Variants in MMP13 observed in about 807,000 individuals in gnomAD.
MMP13 encodes collagenase 3.
A neutral mutation model predicts 52.1 loss-of-function variants in MMP13; 45 were observed. The ratio of observed to expected loss-of-function variants is 0.86; its 90% CI spans 0.68 to 1.11. MMP13 has a LOEUF of 1.11. MMP13 is among the 50% of genes least tolerant of loss of function. The pLI, the probability that MMP13 is intolerant of heterozygous loss-of-function variation, is 0.00. For missense variants in MMP13, 576 were observed against 583.8 expected, an observed-to-expected ratio of 0.99 and a Z score of 0.14; for synonymous variants, 200 against 204.4, an observed-to-expected ratio of 0.98 and a Z score of 0.18.
At chr11:102,944,490 C>T (rs1860464549) in intron 9 of MMP13, 124 bp from the exon 10 acceptor site, 1 of 677,844 alleles carries the variant, frequency 1.5e-6, no homozygotes, top group South Asian at 1.6e-5. Context: ...TCTTTTTAAA[C>T]TCTATTAGTT....
chr11:102,950,274 G>A, intron 5 of MMP13, 47 bp from the exon 6 acceptor site: 1 of 1,391,132 alleles, frequency 7.2e-7, no homozygotes, highest in Non-Finnish European at 1.0e-6. Context: ...TGACATTACT[G>A]ATAACCTGAG....
chr11:102,952,246 A>T lies in MMP13; in HGVS notation c.638-73T>A. ...CAGGTAATGAAAGGAATATCATTTT[A>T]TCTATCTGGTATGTTTCTTTCTTGG... is the stretch of plus-strand genomic sequence containing the variant. On this transcript the variant is annotated intron_variant, in intron 4 of 9. Transcript: ENST00000260302. The surrounding 1 kb of genome is among the most constrained non-coding windows in gnomAD (Gnocchi z 4.3). The T allele has an allele frequency of 6.7e-7, 1 of 1,494,412 alleles. No homozygotes were observed. Among genetic ancestry groups the T allele is most frequent in the East Asian group, 2.3e-5 (1 of 44,228 alleles). 92.6% of individuals were successfully genotyped at this position (1,494,412 alleles called of 1,614,324 possible). A position where few individuals can be genotyped will look rare whatever the true frequency, so the allele number is the denominator to read the frequency against.
chr11:102,954,101 G>A, intron 4 of MMP13, 55 bp downstream of exon 4: 2 of 1,593,994 alleles, frequency 1.3e-6, no homozygotes, highest in Middle Eastern at 1.7e-4. Flanking sequence ...TCATACTAGT[G>A]TGTTCACTGT....
chr11:102,955,639 G>C lies in MMP13; in HGVS notation c.67C>G (p.Pro23Ala). 2 of 1,613,986 alleles carry C rather than the reference G, an allele frequency of 1.2e-6. No homozygotes were observed. Among genetic ancestry groups the C allele is most frequent in the Non-Finnish European group, 1.7e-6 (2 of 1,179,928 alleles). Residue 23 changes from proline (P) to alanine (A), a missense_variant, in exon 1 of 10, where the codon CCC becomes GCC. Coordinates refer to ENST00000260302, the MANE Select transcript of MMP13 (RefSeq NM_002427.4). The surrounding 1 kb of genome is among the most constrained non-coding windows in gnomAD (Gnocchi z 4.9). ...AAATCATCTTCATCACCACCACTGG[G>C]AAGGGGCAGGGCCCGACAATGAGTC... ...SWTHCRALPLPSGGDEDDLSE... is the reference protein window; with the variant it reads ...SWTHCRALPLASGGDEDDLSE...
rs1402721891 is a variant in MMP13 at position 102,955,508 on chromosome 11, A to G, written c.121-15T>C. ...CTCAGGTAGCGCTAGAAAAGACACCAAAATGAACTGCGTTTAAAAGAGAAG... is the reference window on the plus strand; with the variant it reads ...CTCAGGTAGCGCTAGAAAAGACACCGAAATGAACTGCGTTTAAAAGAGAAG... On this transcript the variant is annotated splice_polypyrimidine_tract_variant and intron_variant, in intron 1 of 9. Transcript: ENST00000260302. This position sits in a 1 kb window ranked among gnomAD's most constrained non-coding sequence, Gnocchi z 4.9. 2 of 1,614,054 alleles carry G rather than the reference A, an allele frequency of 1.2e-6. No individual in the cohort carries two copies. The highest frequency in any genetic ancestry group is 1.7e-6 in the Non-Finnish European group (2 of 1,179,914).
At position 102,944,320 on chromosome 11, in the gene MMP13, G is replaced by A; in HGVS notation, c.1362C>T (p.Ile454=). 1 of 1,613,336 alleles carries A rather than the reference G, an allele frequency of 6.2e-7. No homozygotes were observed. The highest frequency in any genetic ancestry group is 1.7e-5 in the Admixed American group (1 of 60,004). The change falls in exon 10 of 10, where the codon ATC becomes ATT. Residue 454 remains isoleucine (I), a synonymous_variant. Coordinates refer to ENST00000260302, the MANE Select transcript of MMP13 (RefSeq NM_002427.4). ...FNGPIQFEYS[I]WSNRIVRVMP... The stretch of plus-strand genomic sequence containing the variant: ...TGACGCGAACAATACGGTTACTCCA[G>A]ATGCTGTATTCAAACTGTATGGGTC...
intron 8 of MMP13, 113 bp downstream of exon 8, chr11:102,947,778 A>G: frequency 8.1e-7 from 1 of 1,240,464 alleles, no homozygotes; most frequent in South Asian, 1.3e-5. Context: ...AATGAAAATG[A>G]ATGACTAGTA....
chr11:102,952,125 C>T lies in MMP13; in HGVS notation c.686G>A (p.Gly229Asp), dbSNP rs782723542. 6.2e-7 allele frequency: 1 copy of T among 1,613,242 alleles called. No individual in the cohort carries two copies. Among genetic ancestry groups the T allele is most frequent in the Non-Finnish European group, 8.5e-7 (1 of 1,179,406 alleles). ...VAAHEFGHSL[G>D]LDHSKDPGAL... is the part of the protein sequence containing the mutation. ...TCCAGGGTCCTTGGAGTGGTCAAGA[C>T]CTAAGGAGTGGCCGAACTCATGCGC... is the stretch of plus-strand genomic sequence containing the variant. The change falls in exon 5 of 10, where the codon GGT (glycine) becomes GAT (aspartate). Residue 229 changes from glycine to aspartate, a missense_variant. Physicochemically the swap from Gly to Asp is moderately conservative, Grantham distance 94. Coordinates refer to ENST00000260302, the MANE Select transcript of MMP13 (RefSeq NM_002427.4). The surrounding 1 kb of genome is among the most constrained non-coding windows in gnomAD (Gnocchi z 4.3).
chr11:102,945,344 CA>C (rs544150516), intron 9 of MMP13: 462 of 1,033,974 alleles, frequency 4.5e-4, no homozygotes, highest in Non-Finnish European at 5.3e-4. Flanking sequence ...ACTCCACAGC[CA>C]GTTTGAATTC....
In MMP13 at chr11:102,955,288, C is replaced by T. The variant is rs189974040; in HGVS notation, c.326G>A (p.Arg109Gln). The change falls in exon 2 of 10, where the codon CGA (arginine) becomes CAA (glutamine). Residue 109 changes from arginine (R) to glutamine (Q), a missense_variant. Coordinates refer to ENST00000260302, the MANE Select transcript of MMP13 (RefSeq NM_002427.4). The surrounding 1 kb of genome is among the most constrained non-coding windows in gnomAD (Gnocchi z 4.9). ...PDVGEYNVFP[R>Q]TLKWSKMNLT... ...ATTCATTTTGGACCATTTAAGAGTT[C>T]GAGGGAAAACATTGTATTCACCCAC... The T allele has an allele frequency of 1.2e-6, 2 of 1,613,850 alleles. No homozygotes were observed. The highest frequency in any genetic ancestry group is 1.7e-6 in the Non-Finnish European group (2 of 1,179,834).
Position 102,946,281 on chromosome 11 carries a change from G to T in MMP13, c.1212-532C>A, listed in dbSNP as rs17860576. Among the ~76,000 whole-genome samples the T allele has an allele frequency of 3.2e-4, 48 of 152,260 alleles. No individual in the cohort carries two copies. In the East Asian group the frequency reaches 9.1e-3, roughly 29 times the overall value. ...GCATATTTCAAGCTCCTTCTCCCCT[G>T]CCCACAGCCACACCCTAACCAGGCA... On this transcript the variant is annotated intron_variant, in intron 8 of 9. Transcript: ENST00000260302.
Position 102,955,279 on chromosome 11 carries a change from T to G in MMP13, c.335A>C (p.Lys112Thr). The part of the protein sequence containing the change: ...GEYNVFPRTL[K>T]WSKMNLTYRI... ...GTAGGTTAAATTCATTTTGGACCATTTAAGAGTTCGAGGGAAAACATTGTA... is the reference window on the plus strand; with the variant it reads ...GTAGGTTAAATTCATTTTGGACCATGTAAGAGTTCGAGGGAAAACATTGTA... The change falls in exon 2 of 10, where the codon AAA (lysine) becomes ACA (threonine). Residue 112 changes from lysine (K) to threonine (T), a missense_variant. By Grantham distance (78) the Lys-to-Thr change is moderately conservative. Coordinates refer to ENST00000260302, the MANE Select transcript of MMP13 (RefSeq NM_002427.4). The surrounding 1 kb of genome is among the most constrained non-coding windows in gnomAD (Gnocchi z 4.9). 1.9e-6 allele frequency: 3 copies of G among 1,613,912 alleles called. No individual in the cohort carries two copies. Among genetic ancestry groups the G allele is most frequent in the Non-Finnish European group, 2.5e-6 (3 of 1,179,850 alleles).
chr11:102,946,841 G>A (rs1217822100), intron 8 of MMP13, among the ~76,000 whole-genome samples: 6 of 152,136 alleles, frequency 3.9e-5, no homozygotes, highest in African/African-American at 1.4e-4. Context: ...TAAGTCAAAA[G>A]GCAAAGATGA....
Position 102,952,004 on chromosome 11 carries a change from C to G in MMP13, c.799+8G>C, listed in dbSNP as rs3819089. The G allele has an allele frequency of 3.1e-6, 5 of 1,612,098 alleles. No individual in the cohort carries two copies. Among genetic ancestry groups the G allele is most frequent in the Admixed American group, 1.7e-5 (1 of 59,962 alleles). On this transcript the variant is annotated splice_region_variant and intron_variant, in intron 5 of 9. Transcript: ENST00000260302. The surrounding 1 kb of genome is among the most constrained non-coding windows in gnomAD (Gnocchi z 4.3). ...ACTGATCATATTCTATTTCTATAAC[C>G]GAGTTACCATAGAGAGACTGGATCC...
At chr11:102,947,663 A>T (rs1179135257) in intron 8 of MMP13, among the ~76,000 whole-genome samples, 2 of 98,472 alleles carry the variant, frequency 2.0e-5, no homozygotes, top group African/African-American at 4.3e-5. Flanking sequence ...GGAATGTTTG[A>T]GTATTGTGTG....
At chr11:102,954,683 C>T in intron 2 of MMP13, 77 bp from the exon 3 acceptor site, 1 of 1,326,010 alleles carries the variant, frequency 7.5e-7, no homozygotes, top group South Asian at 1.2e-5. Context: ...TGGTATATTG[C>T]TTTTCAATTC....
In MMP13 at chr11:102,943,911, T is replaced by G. The variant is rs1282740859; in HGVS notation, c.*355A>C. ...AAGAATGATTTATTCATTATATGCA[T>G]GTATTTACTTTATGCCCTTGTAAAA... On this transcript the variant is annotated 3_prime_UTR_variant, in exon 10 of 10. Transcript: ENST00000260302. The G allele has an allele frequency of 8.2e-6, 2 of 245,010 alleles. No individual in the cohort carries two copies. Among genetic ancestry groups the G allele is most frequent in the African/African-American group, 4.5e-5 (2 of 44,900 alleles). 15.2% of individuals were successfully genotyped at this position (245,010 alleles called of 1,614,324 possible). A position where few individuals can be genotyped will look rare whatever the true frequency, so the allele number is the denominator to read the frequency against.
rs17860553 is a variant in MMP13 at position 102,950,590 on chromosome 11, C to T, written c.800-363G>A. Among the ~76,000 whole-genome samples the T allele has an allele frequency of 9.9e-4, 151 of 152,230 alleles. 2 individuals are homozygous for T. The South Asian group carries it at 0.029, about 30-fold the overall frequency. On this transcript the variant is annotated intron_variant, in intron 5 of 9. Coordinates refer to ENST00000260302, the MANE Select transcript of MMP13 (RefSeq NM_002427.4). ...TTCCCCTTAAAGCCATTTTTGATGG[C>T]GTATTTTTCCTGCAAAAGCCCTCAT...
At chr11:102,953,642 C>T (rs558641260) in intron 4 of MMP13, among the ~76,000 whole-genome samples, 1 of 152,212 alleles carries the variant, frequency 6.6e-6, no homozygotes, top group South Asian at 2.1e-4. Flanking sequence ...GAGTAAGAGT[C>T]TGTCTAGGTT....
Sources: gnomAD v4.1 joint callset for allele counts (sites outside exome capture counted in the v4.1 genomes callset) on GRCh38, gnomAD v4.1.1 for gene constraint, Gnocchi (gnomAD v3.1) non-coding constraint, MANE v1.5 for transcripts, NCBI Gene and HGNC (gene_info 2026-07-23, HGNC 2026-07-21) for gene names.